Variants in BRIP1 observed in about 807,000 individuals in gnomAD.
The protein encoded by BRIP1 is Fanconi anemia group J protein.
In BRIP1, 88 loss-of-function variants were observed where a neutral mutation model predicts 119.7. The ratio of observed to expected loss-of-function variants is 0.74; its 90% CI spans 0.62 to 0.88. BRIP1 has a LOEUF of 0.88. Among genes scored for constraint, BRIP1 ranks in the 40% least tolerant of loss-of-function variants. The pLI is 0.00. For synonymous variants in BRIP1, 443 were observed against 496.5 expected (o/e 0.89, Z 1.43); for missense variants, 1,259 against 1,455.4 (o/e 0.87, Z 2.20).
Position 61,764,490 on chromosome 17 carries a change from A to G in BRIP1, c.2097+11911T>C, listed in dbSNP as rs150113187. On this transcript the variant is annotated intron_variant, in intron 14 of 19. Coordinates refer to ENST00000259008, the MANE Select transcript of BRIP1 (RefSeq NM_032043.3). The stretch of plus-strand genomic sequence containing the variant: ...AAGTATATTTGGAGACTACCACTGC[A>G]TCAAGTTAACGTCCCTCCTGACACC... Among the ~76,000 whole-genome samples the G allele has an allele frequency of 4.1e-4, 62 of 152,292 alleles. 1 individual carries two copies. In the East Asian group the frequency reaches 8.1e-3, roughly 20 times the overall value.
rs2077001379 is a variant in BRIP1 at position 61,742,658 on chromosome 17, C to T, written c.2379+355G>A. 6.6e-6 allele frequency among the ~76,000 whole-genome samples: 1 copy of T among 152,174 alleles called. No homozygotes were observed. The highest frequency in any genetic ancestry group is 2.1e-4 in the South Asian group (1 of 4,824). On this transcript the variant is annotated intron_variant, in intron 16 of 19. Transcript: ENST00000259008. The surrounding 1 kb of genome is among the most constrained non-coding windows in gnomAD (Gnocchi z 4.7). Reference sequence around the variant, plus strand: ...GTCAGTGGAGCAGTTAGAATACATACATCACTTATGAATTACGTTTGCTCT... The same window carrying T: ...GTCAGTGGAGCAGTTAGAATACATATATCACTTATGAATTACGTTTGCTCT...
intron 14 of BRIP1, among the ~76,000 whole-genome samples, chr17:61,773,081 GACAA>G (rs2077482748): frequency 6.6e-6 from 1 of 151,740 alleles, no homozygotes; most frequent in African/African-American, 2.4e-5. Context: ...AGAATTTAAT[GACAA>G]ACAACAAGGT....
chr17:61,783,185 A>G (rs1186128354), intron 11 of BRIP1, among the ~76,000 whole-genome samples: 2 of 152,238 alleles, frequency 1.3e-5, no homozygotes, highest in Non-Finnish European at 1.5e-5. Context: ...AAATTGTGGT[A>G]TATACATACA....
In BRIP1 at chr17:61,729,828, A is replaced by G. The variant is rs577813208; in HGVS notation, c.2379+13185T>C. ...GAAGATAATGGCAATGTCTAGAGAT[A>G]TTTTGGGTTATCACAACTGGTGGCA... On this transcript the variant is annotated intron_variant, in intron 16 of 19. Transcript: ENST00000259008. The surrounding 1 kb of genome is among the most constrained non-coding windows in gnomAD (Gnocchi z 5.6). 6.6e-6 allele frequency among the ~76,000 whole-genome samples: 1 copy of G among 152,142 alleles called. No homozygotes were observed. The highest frequency in any genetic ancestry group is 2.4e-5 in the African/African-American group (1 of 41,506).
At position 61,852,758 on chromosome 17, in the gene BRIP1, CA is replaced by C. The variant is rs1424371997; in HGVS notation, c.380-3503del. 6.6e-6 allele frequency among the ~76,000 whole-genome samples: 1 copy of C among 152,068 alleles called. No homozygotes were observed. The highest frequency in any genetic ancestry group is 1.5e-5 in the Non-Finnish European group (1 of 68,004). On this transcript the variant is annotated intron_variant, in intron 4 of 19. Transcript: ENST00000259008. This position sits in a 1 kb window ranked among gnomAD's most constrained non-coding sequence, Gnocchi z 4.9. ...ATGACCAATAAACATATGAAGTCACCAGAGAAATACTAACTAAAACCCAATG... is the reference window on the plus strand; with the variant it reads ...ATGACCAATAAACATATGAAGTCACCGAGAAATACTAACTAAAACCCAATG...
rs1423797015 is a variant in BRIP1, at chr17:61,802,763, T to G, written c.919-1289A>C. ...TGCAGTGAGCATTCTTATGCTGGTT[T>G]CTAAATATTTTCTTAGTCTATATTT... is the stretch of plus-strand genomic sequence containing the variant. On this transcript the variant is annotated intron_variant, in intron 7 of 19. Transcript: ENST00000259008. The surrounding 1 kb of genome is among the most constrained non-coding windows in gnomAD (Gnocchi z 6.0). Among the ~76,000 whole-genome samples the G allele has an allele frequency of 6.6e-6, 1 of 152,210 alleles. No homozygotes were observed. Among genetic ancestry groups the G allele is most frequent in the East Asian group, 1.9e-4 (1 of 5,194 alleles).
rs1286954730 is a variant in BRIP1 at position 61,720,221 on chromosome 17, AC to A, written c.2380-4159del. 5.3e-5 allele frequency among the ~76,000 whole-genome samples: 8 copies of A among 152,184 alleles called. No homozygotes were observed. Among genetic ancestry groups the A allele is most frequent in the Non-Finnish European group, 8.8e-5 (6 of 68,040 alleles). ...TACCACAGTAGGATGACTATAGTTA[AC>A]AATATTACATCATTTCAAATAACTA... On this transcript the variant is annotated intron_variant, in intron 16 of 19. Transcript: ENST00000259008. This position sits in a 1 kb window ranked among gnomAD's most constrained non-coding sequence, Gnocchi z 4.3.
At position 61,760,394 on chromosome 17, in the gene BRIP1, A is replaced by G. The variant is rs199638698; in HGVS notation, c.2098-15803T>C. Among the ~76,000 whole-genome samples, 11 of 152,086 alleles carry G rather than the reference A, an allele frequency of 7.2e-5. No individual in the cohort carries two copies. In the East Asian group the frequency reaches 1.7e-3, roughly 24 times the overall value. ...TACTCCTCAAGGATCTAGAAAAAGA[A>G]GAACTAAGCCCAAAATTAACAGAAG... is the stretch of plus-strand genomic sequence containing the variant. On this transcript the variant is annotated intron_variant, in intron 14 of 19. Coordinates refer to ENST00000259008, the MANE Select transcript of BRIP1 (RefSeq NM_032043.3). The surrounding 1 kb of genome is among the most constrained non-coding windows in gnomAD (Gnocchi z 4.6).
In BRIP1 at chr17:61,705,962, A is replaced by G. The variant is rs2061684736; in HGVS notation, c.2492+9989T>C. 6.6e-6 allele frequency among the ~76,000 whole-genome samples: 1 copy of G among 152,114 alleles called. No individual in the cohort carries two copies. The highest frequency in any genetic ancestry group is 2.4e-5 in the African/African-American group (1 of 41,432). On this transcript the variant is annotated intron_variant, in intron 17 of 19. Transcript: ENST00000259008. The surrounding 1 kb of genome is among the most constrained non-coding windows in gnomAD (Gnocchi z 5.0). ...GCTAATAATGTTGCTCAAGTCATCT[A>G]TATCTTTATTAGTTTGTCTACTAGT... is the stretch of plus-strand genomic sequence containing the variant.
rs2077176539 is a variant in BRIP1 at position 61,754,687 on chromosome 17, T to C, written c.2098-10096A>G. On this transcript the variant is annotated intron_variant, in intron 14 of 19. Transcript: ENST00000259008. The surrounding 1 kb of genome is among the most constrained non-coding windows in gnomAD (Gnocchi z 4.1). ...TATTTCTTACTTCTTGGCTATGAAGTCCAAGATAAAGGTGCCTGTTAACTT... is the reference window on the plus strand; with the variant it reads ...TATTTCTTACTTCTTGGCTATGAAGCCCAAGATAAAGGTGCCTGTTAACTT... 1.3e-5 allele frequency among the ~76,000 whole-genome samples: 2 copies of C among 152,194 alleles called. No individual in the cohort carries two copies. Among genetic ancestry groups the C allele is most frequent in the Admixed American group, 1.3e-4 (2 of 15,282 alleles).
At chr17:61,821,117 T>C (rs752714491) in intron 6 of BRIP1, among the ~76,000 whole-genome samples, 1 of 152,154 alleles carries the variant, frequency 6.6e-6, no homozygotes, top group Non-Finnish European at 1.5e-5. Flanking sequence ...ACGTGGCCTG[T>C]GACCAGTCTG....
At position 61,823,350 on chromosome 17, in the gene BRIP1, T is replaced by C. The variant is rs1199534722; in HGVS notation, c.628-14593A>G. On this transcript the variant is annotated intron_variant, in intron 6 of 19. Coordinates refer to ENST00000259008, the MANE Select transcript of BRIP1 (RefSeq NM_032043.3). The surrounding 1 kb of genome is among the most constrained non-coding windows in gnomAD (Gnocchi z 4.8). ...CTACTAACAAATTGGACAAGATATATGAAACAGTACTTTTCAGACACTGAA... is the reference window on the plus strand; with the variant it reads ...CTACTAACAAATTGGACAAGATATACGAAACAGTACTTTTCAGACACTGAA... 6.6e-6 allele frequency among the ~76,000 whole-genome samples: 1 copy of C among 152,176 alleles called. No individual in the cohort carries two copies.
chr17:61,793,456 T>G lies in BRIP1; in HGVS notation c.1473+141A>C. 2 of 714,018 alleles carry G rather than the reference T, an allele frequency of 2.8e-6. No homozygotes were observed. The highest frequency in any genetic ancestry group is 2.2e-6 in the Non-Finnish European group (1 of 451,428). The allele number at this position is 714,018 out of a possible 1,614,324, so 44.2% of individuals were successfully genotyped here. On this transcript the variant is annotated intron_variant, in intron 10 of 19. Coordinates refer to ENST00000259008, the MANE Select transcript of BRIP1 (RefSeq NM_032043.3). This position sits in a 1 kb window ranked among gnomAD's most constrained non-coding sequence, Gnocchi z 5.2. ...ATGCCATCACTTAAAGATTATCAAATTTAGATAATAAAATTTTTAAAAAAT... is the reference window on the plus strand; with the variant it reads ...ATGCCATCACTTAAAGATTATCAAAGTTAGATAATAAAATTTTTAAAAAAT...
chr17:61,803,569 G>A lies in BRIP1; in HGVS notation c.919-2095C>T, dbSNP rs1482504322. Among the ~76,000 whole-genome samples, 1 of 151,994 alleles carries A rather than the reference G, an allele frequency of 6.6e-6. No individual in the cohort carries two copies. Among genetic ancestry groups the A allele is most frequent in the Non-Finnish European group, 1.5e-5 (1 of 67,998 alleles). On this transcript the variant is annotated intron_variant, in intron 7 of 19. Transcript: ENST00000259008. This position sits in a 1 kb window ranked among gnomAD's most constrained non-coding sequence, Gnocchi z 4.3. ...AACAAAAAAAATTAAACCGCAGTGA[G>A]CAGTGACCACGCCACTGCACTCCAG...
chr17:61,697,005 G>T (rs9890620), intron 17 of BRIP1, among the ~76,000 whole-genome samples: 25 of 114,214 alleles, frequency 2.2e-4, no homozygotes, highest in Non-Finnish European at 3.3e-4. Context: ...AAAAAAAAAG[G>T]GGGGGGGAAG....
chr17:61,762,641 T>G lies in BRIP1; in HGVS notation c.2097+13760A>C, dbSNP rs1029366985. ...AAAAAATGCTCAAAATCACTAATCA[T>G]TAGGGAAATACAAATTAAAACCATG... On this transcript the variant is annotated intron_variant, in intron 14 of 19. Transcript: ENST00000259008. The surrounding 1 kb of genome is among the most constrained non-coding windows in gnomAD (Gnocchi z 4.3). 6.6e-6 allele frequency among the ~76,000 whole-genome samples: 1 copy of G among 152,088 alleles called. No homozygotes were observed. Among genetic ancestry groups the G allele is most frequent in the African/African-American group, 2.4e-5 (1 of 41,434 alleles).
At position 61,795,791 on chromosome 17, in the gene BRIP1, G is replaced by A. The variant is rs575208825; in HGVS notation, c.1341-2062C>T. Reference sequence around the variant, plus strand: ...TATCTAGCAGTGGGATTGCTGGATCGTTTGGTAGCTCTATTTTAAGTTTTT... The same window carrying A: ...TATCTAGCAGTGGGATTGCTGGATCATTTGGTAGCTCTATTTTAAGTTTTT... On this transcript the variant is annotated intron_variant, in intron 9 of 19. Transcript: ENST00000259008. This position sits in a 1 kb window ranked among gnomAD's most constrained non-coding sequence, Gnocchi z 5.6. 4.3e-4 allele frequency among the ~76,000 whole-genome samples: 66 copies of A among 152,116 alleles called. No individual in the cohort carries two copies. Among genetic ancestry groups the A allele is most frequent in the African/African-American group, 1.5e-3 (63 of 41,540 alleles).
At position 61,845,299 on chromosome 17, in the gene BRIP1, G is replaced by C. The variant is rs764342293; in HGVS notation, c.627+1802C>G. ...AACAAATCTGTGGTTGCCTGGGAAT[G>C]GGGGGACAGGGCAGAAAAAAGGTCC... On this transcript the variant is annotated intron_variant, in intron 6 of 19. Coordinates refer to ENST00000259008, the MANE Select transcript of BRIP1 (RefSeq NM_032043.3). The surrounding 1 kb of genome is among the most constrained non-coding windows in gnomAD (Gnocchi z 4.2). Among the ~76,000 whole-genome samples the C allele has an allele frequency of 6.6e-6, 1 of 152,148 alleles. No homozygotes were observed. Among genetic ancestry groups the C allele is most frequent in the Non-Finnish European group, 1.5e-5 (1 of 68,024 alleles).
At chr17:61,785,015 C>T (rs1431683231) in intron 10 of BRIP1, among the ~76,000 whole-genome samples, 1 of 152,148 alleles carries the variant, frequency 6.6e-6, no homozygotes, top group Non-Finnish European at 1.5e-5. Flanking sequence ...GCAAAATTCT[C>T]CTCAGAGTCA....
Sources: allele counts gnomAD v4.1 joint callset (sites outside exome capture counted in the v4.1 genomes callset), GRCh38; gene constraint gnomAD v4.1.1; non-coding constraint Gnocchi (gnomAD v3.1); transcripts MANE v1.5; gene names NCBI Gene and HGNC (gene_info 2026-07-23, HGNC 2026-07-21).